LSAMP: variants seen among roughly 807,000 people sequenced by gnomAD.
LSAMP encodes the protein limbic system associated membrane protein, also known as limbic system-associated membrane protein.
In LSAMP, 7 loss-of-function variants were observed where a neutral mutation model predicts 38.6. The observed-to-expected ratio is 0.18, with a 90% CI of 0.10 to 0.34. The LOEUF (loss-of-function observed/expected upper bound fraction) is 0.34, where lower values mean the gene tolerates loss of function less well. Among genes scored for constraint, LSAMP ranks in the 10% least tolerant of loss-of-function variants. The pLI is 1.00. For missense variants in LSAMP, 313 were observed against 420.0 expected (o/e 0.75, Z 2.23); for synonymous variants, 154 against 166.8 (o/e 0.92, Z 0.59).
At chr3:115,834,069 T>G (rs1934705343) in intron 6 of LSAMP, among the ~76,000 whole-genome samples, 1 of 152,132 alleles carries the variant, frequency 6.6e-6, no homozygotes, top group Admixed American at 6.5e-5. Flanking sequence ...TGGCCAAGAT[T>G]TTAAGAAAAA....
intron 1 of LSAMP, among the ~76,000 whole-genome samples, chr3:116,319,622 A>G (rs1267660486): frequency 6.6e-6 from 1 of 152,172 alleles, no homozygotes; most frequent in East Asian, 1.9e-4. Context: ...CATGAGAAAG[A>G]AAAGGGATGT....
At chr3:116,033,251 G>C (rs1038216193) in intron 2 of LSAMP, among the ~76,000 whole-genome samples, 1 of 152,020 alleles carries the variant, frequency 6.6e-6, no homozygotes, top group Non-Finnish European at 1.5e-5. Context: ...ACTCAAGAAG[G>C]GGGGCATGGC....
intron 6 of LSAMP, chr3:115,816,706 G>A: frequency 9.9e-7 from 1 of 1,008,884 alleles, no homozygotes; most frequent in Non-Finnish European, 1.3e-6. Context: ...CAATTAAGAA[G>A]AAACACAAAG....
intron 1 of LSAMP, among the ~76,000 whole-genome samples, chr3:116,382,984 C>T (rs1424089666): frequency 6.6e-6 from 1 of 152,112 alleles, no homozygotes; most frequent in African/African-American, 2.4e-5. Context: ...ATGTTAATTT[C>T]CCTTTGCCTA....
chr3:116,296,268 A>G (rs1368361811), intron 1 of LSAMP, among the ~76,000 whole-genome samples: 1 of 152,180 alleles, frequency 6.6e-6, no homozygotes, highest in Non-Finnish European at 1.5e-5. Context: ...ATTTTACTGT[A>G]AAAATATTCT....
At chr3:116,191,721 T>G (rs1710759605) in intron 1 of LSAMP, among the ~76,000 whole-genome samples, 1 of 151,956 alleles carries the variant, frequency 6.6e-6, no homozygotes, top group Admixed American at 6.6e-5. Context: ...TCCTGCATGG[T>G]ATTCCTGCAA....
intron 1 of LSAMP, among the ~76,000 whole-genome samples, chr3:116,229,096 A>G (rs76010254): frequency 0.012 from 1,782 of 152,228 alleles, 38 homozygotes; most frequent in African/African-American, 0.039. Context: ...AAGCTTTTTC[A>G]TGGGAATTTT....
intron 1 of LSAMP, among the ~76,000 whole-genome samples, chr3:116,370,883 A>G (rs58150209): frequency 1.4e-4 from 21 of 152,340 alleles, no homozygotes; most frequent in African/African-American, 5.1e-4. Context: ...GAAATCTGAA[A>G]TAGAAGTGAG....
chr3:116,252,526 T>C (rs12492442), intron 1 of LSAMP, among the ~76,000 whole-genome samples: 19,945 of 151,804 alleles, frequency 0.13, 1,458 homozygotes, highest in Admixed American at 0.19. Context: ...CAATAATGTA[T>C]GAAAAAAAAA....
intron 2 of LSAMP, among the ~76,000 whole-genome samples, chr3:116,043,955 A>T (rs1223573366): frequency 6.6e-6 from 1 of 152,248 alleles, no homozygotes; most frequent in Admixed American, 6.5e-5. Flanking sequence ...CAAAAATAAA[A>T]TAAAATAAAA....
intron 3 of LSAMP, among the ~76,000 whole-genome samples, chr3:115,905,399 A>T (rs994798678): frequency 6.6e-6 from 1 of 152,028 alleles, no homozygotes; most frequent in African/African-American, 2.4e-5. Context: ...CCTGAAAAAA[A>T]ATCAATGTTT....
At chr3:116,011,198 C>G (rs183251811) in intron 3 of LSAMP, among the ~76,000 whole-genome samples, 277 of 152,222 alleles carry the variant, frequency 1.8e-3, no homozygotes, top group African/African-American at 6.5e-3. Flanking sequence ...TGAGCCACTG[C>G]ACCCGGCCAG....
At chr3:115,855,696 G>A (rs149314859) in intron 3 of LSAMP, among the ~76,000 whole-genome samples, 19 of 152,240 alleles carry the variant, frequency 1.2e-4, no homozygotes, top group East Asian at 9.7e-4. Flanking sequence ...CCTTTGCCCC[G>A]GTGTGTCCGT....
At chr3:115,841,419 C>G (rs1934992005) in intron 6 of LSAMP, among the ~76,000 whole-genome samples, 4 of 152,290 alleles carry the variant, frequency 2.6e-5, no homozygotes, top group South Asian at 4.1e-4. Flanking sequence ...AGCACCTTAT[C>G]TATTCTCACT....
chr3:116,231,272 A>T (rs537977752), intron 1 of LSAMP, among the ~76,000 whole-genome samples: 8 of 152,314 alleles, frequency 5.3e-5, no homozygotes, highest in African/African-American at 1.7e-4. Flanking sequence ...CACAGTTCTC[A>T]CATATTCAAT....
chr3:116,377,812 G>A, intron 1 of LSAMP, among the ~76,000 whole-genome samples: 1 of 151,938 alleles, frequency 6.6e-6, no homozygotes, highest in East Asian at 1.9e-4. Flanking sequence ...ACAATACTGG[G>A]AATTAGATAA....
intron 1 of LSAMP, among the ~76,000 whole-genome samples, chr3:116,104,488 G>A (rs150275169): frequency 5.7e-4 from 86 of 151,862 alleles, no homozygotes; most frequent in African/African-American, 1.7e-3. Context: ...TTTGTTCATC[G>A]GGGAGAAATC....
chr3:116,320,507 G>A (rs75573775), intron 1 of LSAMP, among the ~76,000 whole-genome samples: 1 of 152,056 alleles, frequency 6.6e-6, no homozygotes, highest in Non-Finnish European at 1.5e-5. Flanking sequence ...TGTAACAACC[G>A]CTGTGAGACA....
chr3:115,964,661 T>G (rs1938739364), intron 3 of LSAMP, among the ~76,000 whole-genome samples: 2 of 152,082 alleles, frequency 1.3e-5, no homozygotes, highest in South Asian at 2.1e-4. Context: ...ATTCCATACA[T>G]TTTTGGGATT....
Sources: allele counts gnomAD v4.1 joint callset (sites outside exome capture counted in the v4.1 genomes callset), GRCh38; gene constraint gnomAD v4.1.1; transcripts MANE v1.5; gene names NCBI Gene and HGNC (gene_info 2026-07-23, HGNC 2026-07-21).